Variants in FRMPD1 observed in about 807,000 individuals in gnomAD.
FRMPD1 encodes the protein FERM and PDZ domain-containing protein 1.
FRMPD1 carries 76 observed loss-of-function variants against 117.8 expected under a neutral mutation model. The observed-to-expected ratio is 0.65, with a 90% CI of 0.54 to 0.78. The LOEUF (loss-of-function observed/expected upper bound fraction) is 0.78, where lower values mean the gene tolerates loss of function less well. Among genes scored for constraint, FRMPD1 ranks in the 30% least tolerant of loss-of-function variants. FRMPD1 has a pLI of 0.00. For missense variants in FRMPD1, 1,786 were observed against 1,964.5 expected (o/e 0.91, Z 1.72); for synonymous variants, 783 against 770.4 (o/e 1.02, Z -0.27).
At position 37,738,385 on chromosome 9, in the gene FRMPD1, G is replaced by C. The variant is rs913995432; in HGVS notation, c.1549+1142G>C. Among the ~76,000 whole-genome samples, 3 of 152,128 alleles carry C rather than the reference G, an allele frequency of 2.0e-5. No individual in the cohort carries two copies. The South Asian group carries it at 6.2e-4, about 32-fold the overall frequency. Reference sequence around the variant, plus strand: ...GAGGCAGTCTCTCTCTGTCACCCAGGCTGGAGTGCAGTGGTGCAATCTTGG... The same window carrying C: ...GAGGCAGTCTCTCTCTGTCACCCAGCCTGGAGTGCAGTGGTGCAATCTTGG... On this transcript the variant is annotated intron_variant, in intron 14 of 15. Transcript: ENST00000377765.
At chr9:37,652,778 T>C (rs1443603948) in intron 1 of FRMPD1, among the ~76,000 whole-genome samples, 1 of 152,162 alleles carries the variant, frequency 6.6e-6, no homozygotes. Context: ...AACATGAAAA[T>C]TACCAACAGG....
At chr9:37,721,606 T>G (rs1438239875) in intron 6 of FRMPD1, among the ~76,000 whole-genome samples, 2 of 152,172 alleles carry the variant, frequency 1.3e-5, no homozygotes, top group Non-Finnish European at 2.9e-5. Context: ...AAAACAAAAT[T>G]TAATGACTGC....
chr9:37,730,367 G>T (rs1823816622), intron 8 of FRMPD1, among the ~76,000 whole-genome samples: 1 of 152,158 alleles, frequency 6.6e-6, no homozygotes. Flanking sequence ...CTAAACACAG[G>T]TTAGTTCAAC....
In FRMPD1 at chr9:37,746,229, C is replaced by G. The variant is rs898549454; in HGVS notation, c.4197C>G (p.Ile1399Met). 2 of 1,613,114 alleles carry G rather than the reference C, an allele frequency of 1.2e-6. No individual in the cohort carries two copies. Among genetic ancestry groups the G allele is most frequent in the East Asian group, 2.2e-5 (1 of 44,892 alleles). ...TTAPLSRKSHIWPEYCSRALR... is the reference protein window; with the variant it reads ...TTAPLSRKSHMWPEYCSRALR... ...CACCCCTGTCGAGGAAAAGCCACATCTGGCCAGAGTACTGCTCCAGGGCAC... is the reference window on the plus strand; with the variant it reads ...CACCCCTGTCGAGGAAAAGCCACATGTGGCCAGAGTACTGCTCCAGGGCAC... Residue 1399 changes from isoleucine to methionine, a missense_variant, in exon 16 of 16, where the codon ATC (isoleucine) becomes ATG (methionine). By Grantham distance (10) the Ile-to-Met change is conservative. Coordinates refer to ENST00000377765, the MANE Select transcript of FRMPD1 (RefSeq NM_014907.3).
the FRMPD1 span, among the ~76,000 whole-genome samples, chr9:37,637,722 C>T: frequency 6.6e-6 from 1 of 152,176 alleles, no homozygotes; most frequent in Non-Finnish European, 1.5e-5. Flanking sequence ...ATTGCTCATC[C>T]GTAAGACAGG....
intron 1 of FRMPD1, among the ~76,000 whole-genome samples, chr9:37,657,588 C>G (rs1000147978): frequency 6.6e-5 from 10 of 152,134 alleles, no homozygotes; most frequent in Non-Finnish European, 1.5e-4. Flanking sequence ...CTCTTTCTTT[C>G]TCCCTGGGGT....
At chr9:37,704,196 C>G (rs1295701933) in intron 2 of FRMPD1, among the ~76,000 whole-genome samples, 2 of 152,172 alleles carry the variant, frequency 1.3e-5, no homozygotes, top group Non-Finnish European at 2.9e-5. Flanking sequence ...TGTAACTTTT[C>G]TGAAATCTAA....
intron 2 of FRMPD1, among the ~76,000 whole-genome samples, chr9:37,693,597 C>G (rs572364273): frequency 1.6e-4 from 24 of 152,264 alleles, no homozygotes; most frequent in Middle Eastern, 3.4e-3. Context: ...TGTTTAGGAC[C>G]ACTCTTACCC....
chr9:37,643,610 C>T, the FRMPD1 span, among the ~76,000 whole-genome samples: 1 of 151,948 alleles, frequency 6.6e-6, no homozygotes, highest in Non-Finnish European at 1.5e-5. Flanking sequence ...GTTAGTTTTT[C>T]TTCTATTAAA....
chr9:37,709,470 G>T (rs966480168), intron 4 of FRMPD1, among the ~76,000 whole-genome samples: 1 of 151,588 alleles, frequency 6.6e-6, no homozygotes, highest in African/African-American at 2.4e-5. Flanking sequence ...CAGGAGAATC[G>T]CTTGAACCCG....
At chr9:37,726,327 A>G (rs981252598) in intron 7 of FRMPD1, among the ~76,000 whole-genome samples, 2 of 152,226 alleles carry the variant, frequency 1.3e-5, no homozygotes, top group African/African-American at 2.4e-5. Flanking sequence ...GAAAAAGAAT[A>G]TGTCATTTGA....
intron 1 of FRMPD1, among the ~76,000 whole-genome samples, chr9:37,665,010 T>C (rs1821119365): frequency 6.6e-6 from 1 of 152,178 alleles, no homozygotes; most frequent in Admixed American, 6.5e-5. Flanking sequence ...TCTCAACATA[T>C]TTGTAATACA....
intron 2 of FRMPD1, among the ~76,000 whole-genome samples, chr9:37,704,908 C>A (rs1023964214): frequency 1.3e-5 from 2 of 151,034 alleles, no homozygotes; most frequent in Non-Finnish European, 2.9e-5. Context: ...TCCTTTATTG[C>A]TTTAAGGAAA....
chr9:37,667,410 C>T (rs1334856755), intron 1 of FRMPD1, among the ~76,000 whole-genome samples: 1 of 151,070 alleles, frequency 6.6e-6, no homozygotes, highest in Non-Finnish European at 1.5e-5. Flanking sequence ...CAATGGCTCA[C>T]TCCTGTAATC....
chr9:37,636,931 G>C, the FRMPD1 span: 14 of 1,608,154 alleles, frequency 8.7e-6, no homozygotes. Flanking sequence ...GGTCGCTCTT[G>C]TTGCCCACCA....
chr9:37,692,808 C>G (rs976203424), intron 2 of FRMPD1, 66 bp downstream of exon 2: 1 of 1,120,428 alleles, frequency 8.9e-7, no homozygotes, highest in African/African-American at 1.5e-5. Flanking sequence ...GGAGCTTGTG[C>G]TGGTCCTGGC....
the FRMPD1 span, among the ~76,000 whole-genome samples, chr9:37,630,921 T>A: frequency 6.6e-6 from 1 of 152,212 alleles, no homozygotes; most frequent in Non-Finnish European, 1.5e-5. Context: ...CTGGACAGTG[T>A]CGTGCATAGA....
intron 1 of FRMPD1, among the ~76,000 whole-genome samples, chr9:37,690,055 A>G (rs1420940365): frequency 6.6e-6 from 1 of 152,098 alleles, no homozygotes; most frequent in Admixed American, 6.5e-5. Flanking sequence ...AAGTTCTTCA[A>G]GAAATTTTTA....
chr9:37,702,271 T>A (rs994405950), intron 2 of FRMPD1, among the ~76,000 whole-genome samples: 6 of 152,252 alleles, frequency 3.9e-5, no homozygotes, highest in Admixed American at 3.9e-4. Flanking sequence ...TTTGCTCATT[T>A]ATTTGCCCAA....
Sources: allele counts gnomAD v4.1 joint callset (sites outside exome capture counted in the v4.1 genomes callset), GRCh38; gene constraint gnomAD v4.1.1; transcripts MANE v1.5; gene names NCBI Gene and HGNC (gene_info 2026-07-23, HGNC 2026-07-21).